The following LIN7A variants were observed in gnomAD, a reference collection of about 807,000 sequenced individuals.
LIN7A encodes the protein lin-7 cell polarity scaffold A, also known as protein lin-7 homolog A.
In LIN7A, 25 loss-of-function variants were observed where a neutral mutation model predicts 29.8. The observed-to-expected ratio is 0.84, with a 90% confidence interval of 0.61 to 1.17. The LOEUF (loss-of-function observed/expected upper bound fraction) is 1.17, where lower values mean the gene tolerates loss of function less well. Ranked by LOEUF, LIN7A falls within the 50% of genes most tolerant of loss-of-function variation. The pLI, the probability that LIN7A is intolerant of heterozygous loss-of-function variation, is 0.00. For synonymous variants in LIN7A, 118 were observed against 107.5 expected, an observed-to-expected ratio of 1.10 and a Z score of -0.60; for missense variants, 239 against 287.0, an observed-to-expected ratio of 0.83 and a Z score of 1.21.
intron 2 of LIN7A, among the ~76,000 whole-genome samples, chr12:80,854,168 T>A (rs1039182192): frequency 2.0e-5 from 3 of 152,184 alleles, no homozygotes; most frequent in African/African-American, 7.2e-5. Flanking sequence ...ATGGAAATAC[T>A]TATAGCAACT....
intron 5 of LIN7A, among the ~76,000 whole-genome samples, chr12:80,806,226 T>A (rs1870981586): frequency 6.6e-6 from 1 of 152,132 alleles, no homozygotes; most frequent in South Asian, 2.1e-4. Flanking sequence ...CTAATACAAC[T>A]CTTTCTCAAA....
chr12:80,843,988 ATATTCT>A (rs1334058907), intron 4 of LIN7A, among the ~76,000 whole-genome samples: 1 of 151,596 alleles, frequency 6.6e-6, no homozygotes, highest in Non-Finnish European at 1.5e-5. Flanking sequence ...ATATATATAT[ATATTCT>A]TACTTTACAC....
At chr12:80,805,845 C>T (rs1010571744) in intron 5 of LIN7A, among the ~76,000 whole-genome samples, 4 of 151,724 alleles carry the variant, frequency 2.6e-5, no homozygotes, top group East Asian at 1.9e-4. Flanking sequence ...ATAAGTCTCA[C>T]GAGATCTGAT....
In LIN7A at chr12:80,798,426, C is replaced by T. The variant is rs972505133; in HGVS notation, c.*1-700G>A. ...TAACAAAATTGTTCTGTTTACTTTGCGTCAACACTCTCCAGCTGTCATGCT... is the reference window on the plus strand; with the variant it reads ...TAACAAAATTGTTCTGTTTACTTTGTGTCAACACTCTCCAGCTGTCATGCT... On this transcript the variant is annotated intron_variant, in intron 5 of 5. Coordinates refer to ENST00000552864, the MANE Select transcript of LIN7A (RefSeq NM_004664.4). 4.6e-5 allele frequency among the ~76,000 whole-genome samples: 7 copies of T among 152,066 alleles called. No individual in the cohort carries two copies. In the East Asian group the frequency reaches 5.8e-4, roughly 13 times the overall value.
At chr12:80,930,789 C>T (rs939154864) in intron 1 of LIN7A, among the ~76,000 whole-genome samples, 6 of 152,170 alleles carry the variant, frequency 3.9e-5, no homozygotes, top group African/African-American at 1.4e-4. Context: ...CCTAAGGTAG[C>T]CACTACTTTT....
At chr12:80,924,886 C>G (rs1241204334) in intron 1 of LIN7A, among the ~76,000 whole-genome samples, 1 of 152,156 alleles carries the variant, frequency 6.6e-6, no homozygotes, top group African/African-American at 2.4e-5. Context: ...TCTGTAACAA[C>G]TTTTACAAAT....
chr12:80,821,220 A>G (rs1871792023), intron 4 of LIN7A, among the ~76,000 whole-genome samples: 1 of 152,170 alleles, frequency 6.6e-6, no homozygotes, highest in African/African-American at 2.4e-5. Flanking sequence ...TGAATCTTAG[A>G]CAAGTTGCTT....
chr12:80,818,913 T>C (rs1402003376), intron 4 of LIN7A, among the ~76,000 whole-genome samples: 1 of 152,238 alleles, frequency 6.6e-6, no homozygotes, highest in African/African-American at 2.4e-5. Flanking sequence ...TTTGCCTTGA[T>C]TTAGCTCTAT....
rs1779487574 is a variant in LIN7A at position 80,818,423 on chromosome 12, AG to A, written c.484-6741del. On this transcript the variant is annotated intron_variant, in intron 4 of 5. Transcript: ENST00000552864. ...AATCCTTGCAACATATCTGTTAAAA[AG>A]GTAATGAAAAGGTTAAGAAATGTGT... Among the ~76,000 whole-genome samples, 3 of 152,360 alleles carry A rather than the reference AG, an allele frequency of 2.0e-5. No homozygotes were observed. The South Asian group carries it at 6.2e-4, about 32-fold the overall frequency.
intron 3 of LIN7A, among the ~76,000 whole-genome samples, chr12:80,847,393 C>T (rs139143706): frequency 2.6e-5 from 4 of 151,988 alleles, no homozygotes; most frequent in African/African-American, 9.6e-5. Context: ...ACAAAAAAAC[C>T]TTACAAATCT....
At chr12:80,873,151 G>A (rs537137316) in intron 2 of LIN7A, among the ~76,000 whole-genome samples, 10 of 152,216 alleles carry the variant, frequency 6.6e-5, no homozygotes, top group Non-Finnish European at 1.0e-4. Flanking sequence ...TGAAGCAATC[G>A]TTAGGGAAAT....
At chr12:80,902,217 GT>G (rs11410643) in intron 1 of LIN7A, among the ~76,000 whole-genome samples, 21,812 of 125,438 alleles carry the variant, frequency 0.17, 1,448 homozygotes, top group Middle Eastern at 0.24. Context: ...TGGTCTATGT[GT>G]TTTTTTTTTT....
chr12:80,821,484 G>T (rs1000395531), intron 4 of LIN7A, among the ~76,000 whole-genome samples: 4 of 152,024 alleles, frequency 2.6e-5, no homozygotes, highest in Non-Finnish European at 5.9e-5. Flanking sequence ...GCGGATGGAG[G>T]GTTTTGTCTT....
In LIN7A at chr12:80,797,330, A is replaced by C. The variant is rs1474767574; in HGVS notation, c.*397T>G. ...TTCACTTTGAACTGATGCAGTTTGA[A>C]TTATAGCCTAATGAGGGGTTTGCTA... is the stretch of plus-strand genomic sequence containing the variant. On this transcript the variant is annotated 3_prime_UTR_variant, in exon 6 of 6. Coordinates refer to ENST00000552864, the MANE Select transcript of LIN7A (RefSeq NM_004664.4). 6 of 152,602 alleles carry C rather than the reference A, an allele frequency of 3.9e-5. No homozygotes were observed. Among genetic ancestry groups the C allele is most frequent in the Admixed American group, 1.3e-4 (2 of 15,282 alleles). The allele number at this position is 152,602 out of a possible 1,614,324, so 9.5% of individuals were successfully genotyped here. A position where few individuals can be genotyped will look rare whatever the true frequency, so the allele number is the denominator to read the frequency against.
chr12:80,923,782 C>G (rs990802946), intron 1 of LIN7A, among the ~76,000 whole-genome samples: 2 of 152,278 alleles, frequency 1.3e-5, no homozygotes, highest in East Asian at 3.9e-4. Context: ...ATAGTATAGT[C>G]TAGTGGTTAA....
intron 2 of LIN7A, among the ~76,000 whole-genome samples, chr12:80,885,700 A>G (rs890437470): frequency 8.6e-5 from 13 of 152,024 alleles, no homozygotes; most frequent in African/African-American, 3.1e-4. Flanking sequence ...CTCAGCATAT[A>G]TTTTCATGCT....
chr12:80,935,938 T>C (rs187023079), intron 1 of LIN7A: 2 of 274,882 alleles, frequency 7.3e-6, no homozygotes, highest in Non-Finnish European at 1.7e-5. Flanking sequence ...TTTGTATTAT[T>C]AGTAGTAGTG....
intron 1 of LIN7A, among the ~76,000 whole-genome samples, chr12:80,911,630 A>G (rs188360720): frequency 4.9e-4 from 75 of 152,318 alleles, no homozygotes; most frequent in Middle Eastern, 3.4e-3. Context: ...TTGGGGAGTC[A>G]TTAGGATCTA....
In LIN7A at chr12:80,792,905, C is replaced by A. The variant is rs545820545; in HGVS notation, c.*4822G>T. The A allele has an allele frequency of 6.6e-6, 1 of 152,250 alleles. No individual in the cohort carries two copies. Among genetic ancestry groups the A allele is most frequent in the South Asian group, 2.1e-4 (1 of 4,824 alleles). The allele number at this position is 152,250 out of a possible 1,614,324, so 9.4% of individuals were successfully genotyped here. A position where few individuals can be genotyped will look rare whatever the true frequency, so the allele number is the denominator to read the frequency against. On this transcript the variant is annotated 3_prime_UTR_variant, in exon 6 of 6. Transcript: ENST00000552864. ...TTCACATATTCTTCTTAAGAGTAAG[C>A]TATAACATAAGATTGAGTTCCCACC... is the stretch of plus-strand genomic sequence containing the variant.
Sources: gnomAD v4.1 joint callset for allele counts (sites outside exome capture counted in the v4.1 genomes callset) on GRCh38, gnomAD v4.1.1 for gene constraint, MANE v1.5 for transcripts, NCBI Gene and HGNC (gene_info 2026-07-23, HGNC 2026-07-21) for gene names.